Variants in SIN3B observed in about 807,000 individuals in gnomAD.
SIN3B encodes the protein SIN3 transcription regulator family member B, also known as paired amphipathic helix protein Sin3b.
A neutral mutation model predicts 120.2 loss-of-function variants in SIN3B; 19 were observed. That is an observed-to-expected ratio of 0.16 (90% confidence interval 0.11 to 0.23). The LOEUF is 0.23. SIN3B is among the 10% of genes least tolerant of loss of function. The pLI, the probability that SIN3B is intolerant of heterozygous loss-of-function variation, is 1.00. For missense variants in SIN3B, 1,073 were observed against 1,573.0 expected (o/e 0.68, Z 5.38); for synonymous variants, 654 against 653.2 (o/e 1.00, Z -0.02).
chr19:16,860,790 A>G (rs1971677956), intron 8 of SIN3B, among the ~76,000 whole-genome samples: 1 of 151,588 alleles, frequency 6.6e-6, no homozygotes, highest in South Asian at 2.1e-4. Context: ...TATTTTTAGT[A>G]GAGACGGGGT....
Position 16,854,253 on chromosome 19 carries a change from A to G in SIN3B, c.1050A>G (p.Pro350=). Residue 350 remains proline, a synonymous_variant, in exon 8 of 19, where the codon CCA becomes CCG. Transcript: ENST00000248054. ...SGSELLQLVS[P]FLGKFPELFA... is the part of the protein sequence containing the mutation. Reference sequence around the variant, plus strand: ...CTGAGCTCCTGCAGCTCGTCAGCCCATTTCTGGGGTGAGCAGCTGACTTCC... The same window carrying G: ...CTGAGCTCCTGCAGCTCGTCAGCCCGTTTCTGGGGTGAGCAGCTGACTTCC... The G allele has an allele frequency of 6.2e-7, 1 of 1,609,376 alleles. No individual in the cohort carries two copies. The highest frequency in any genetic ancestry group is 8.5e-7 in the Non-Finnish European group (1 of 1,177,822).
chr19:16,850,161 TTAG>T (rs947013487), intron 5 of SIN3B, among the ~76,000 whole-genome samples: 2 of 151,990 alleles, frequency 1.3e-5, no homozygotes, highest in African/African-American at 4.8e-5. Flanking sequence ...TAAGTCTTTT[TTAG>T]TAGTAGTAGT....
intron 14 of SIN3B, chr19:16,871,767 A>T (rs2051514655): frequency 4.8e-6 from 1 of 207,454 alleles, no homozygotes; most frequent in South Asian, 8.4e-5. Flanking sequence ...ATGGCTCTGT[A>T]ATACTCCATT....
chr19:16,876,516 A>C lies in SIN3B; in HGVS notation c.2797A>C (p.Ile933Leu), dbSNP rs777304827. 7 of 1,613,428 alleles carry C rather than the reference A, an allele frequency of 4.3e-6. No homozygotes were observed. Among genetic ancestry groups the C allele is most frequent in the Non-Finnish European group, 5.9e-6 (7 of 1,179,924 alleles). Residue 933 changes from isoleucine to leucine, a missense_variant, in exon 16 of 19, where the codon ATC becomes CTC. By Grantham distance (5) the Ile-to-Leu change is conservative. Around this residue, in one of 7 missense-constraint regions of SIN3B, gnomAD observed 311 missense variants for 400.3 expected, o/e 0.78. Coordinates refer to ENST00000248054, the MANE Select transcript of SIN3B (RefSeq NM_001297595.2). This position sits in a 1 kb window ranked among gnomAD's most constrained non-coding sequence, Gnocchi z 7.1. ...VMFLQRKGQV[I>L]MTIELLDTEE... ...GTTCCTGCAGCGCAAAGGGCAGGTG[A>C]TCATGACCATCGAGCTCCTGGACAC...
At chr19:16,846,899 C>T (rs1971486168) in intron 4 of SIN3B, 71 bp from the exon 5 acceptor site, 1 of 1,522,714 alleles carries the variant, frequency 6.6e-7, no homozygotes, top group Non-Finnish European at 9.0e-7. Flanking sequence ...GGAGGGCTGC[C>T]TGAGTGTCCC....
At chr19:16,847,468 C>T (rs1283563304) in intron 5 of SIN3B, among the ~76,000 whole-genome samples, 1 of 152,228 alleles carries the variant, frequency 6.6e-6, no homozygotes, top group Non-Finnish European at 1.5e-5. Context: ...TGGGAAGGTG[C>T]AGGAGGGCTG....
At chr19:16,838,269 T>C (rs1302108751) in intron 3 of SIN3B, among the ~76,000 whole-genome samples, 3 of 152,208 alleles carry the variant, frequency 2.0e-5, no homozygotes, top group Non-Finnish European at 4.4e-5. Context: ...ATATTCACAA[T>C]ACTGTACAAC....
At chr19:16,874,948 A>ATCTGG (rs1373978348) in intron 14 of SIN3B, among the ~76,000 whole-genome samples, 8 of 124,364 alleles carry the variant, frequency 6.4e-5, no homozygotes, top group African/African-American at 2.6e-4. Flanking sequence ...GTCTGATCTG[A>ATCTGG]TCTGGTCTGG....
intron 3 of SIN3B, among the ~76,000 whole-genome samples, chr19:16,836,496 G>C (rs888535608): frequency 6.6e-6 from 1 of 152,116 alleles, no homozygotes; most frequent in Admixed American, 6.5e-5. Context: ...ACACCACCCT[G>C]GGTTATGTAT....
chr19:16,837,391 G>A (rs1278437386), intron 3 of SIN3B, among the ~76,000 whole-genome samples: 2 of 151,836 alleles, frequency 1.3e-5, no homozygotes, highest in Non-Finnish European at 2.9e-5. Context: ...GGACCAGAGA[G>A]GGTCCCAAGT....
At position 16,875,389 on chromosome 19, in the gene SIN3B, TGTTTGGTCTGGTCTG is replaced by T. The variant is rs1250897420; in HGVS notation, c.2593-648_2593-634del. ...TGGTCTGGTTTGGTCTGGTCTGGTC[TGTTTGGTCTGGTCTG>T]GTTTGGTCTGGTCTGGTCTGTTTGG... On this transcript the variant is annotated intron_variant, in intron 14 of 18. Transcript: ENST00000248054. Among the ~76,000 whole-genome samples, 45 of 136,942 alleles carry T rather than the reference TGTTTGGTCTGGTCTG, an allele frequency of 3.3e-4. 1 individual carries two copies. The highest frequency in any genetic ancestry group is 8.3e-4 in the African/African-American group (29 of 34,762). 89.8% of individuals were successfully genotyped at this position (136,942 alleles called of 152,430 possible). A position where few individuals can be genotyped will look rare whatever the true frequency, so the allele number is the denominator to read the frequency against.
At chr19:16,863,015 G>C in intron 9 of SIN3B, 1 of 1,478,264 alleles carries the variant, frequency 6.8e-7, no homozygotes, top group Non-Finnish European at 9.5e-7. Context: ...CTGGCCCGCT[G>C]CCCGTGTTTG....
rs1325159640 is a variant in SIN3B, at chr19:16,879,545, T to G, written c.*818T>G. The stretch of plus-strand genomic sequence containing the variant: ...GCGTATGTGTATACACGCACAGATA[T>G]TTATTCCTTTCGCTTTTAGTGGTTG... On this transcript the variant is annotated 3_prime_UTR_variant, in exon 19 of 19. Coordinates refer to ENST00000248054, the MANE Select transcript of SIN3B (RefSeq NM_001297595.2). 1.3e-5 allele frequency: 2 copies of G among 152,084 alleles called. No individual in the cohort carries two copies. Among genetic ancestry groups the G allele is most frequent in the African/African-American group, 4.8e-5 (2 of 41,288 alleles). The allele number at this position is 152,084 out of a possible 1,614,324, so 9.4% of individuals were successfully genotyped here.
In SIN3B at chr19:16,878,390, G is replaced by A; in HGVS notation, c.3162G>A (p.Gln1054=). 1 of 1,610,736 alleles carries A rather than the reference G, an allele frequency of 6.2e-7. No homozygotes were observed. The highest frequency in any genetic ancestry group is 1.1e-5 in the South Asian group (1 of 90,604). Residue 1054 remains glutamine (Q), a splice_region_variant and synonymous_variant, in exon 18 of 19, where the codon CAG becomes CAA. Transcript: ENST00000248054. ...YRRGTLCRAK[Q]VQPLVLLRHH... ...GCGGGACCCTCTGCCGGGCCAAGCAGGTGCCAGGGGAGGCCTGGGCTGCCC... is the reference window on the plus strand; with the variant it reads ...GCGGGACCCTCTGCCGGGCCAAGCAAGTGCCAGGGGAGGCCTGGGCTGCCC...
Position 16,870,060 on chromosome 19 carries a change from C to A in SIN3B, c.2407C>A (p.Arg803=). ...GGGCAGCGACCCCGCCATGGAGCTG[C>A]GGCTGAAGCAGCCCAGTAAGGCTCC... The part of the protein sequence containing the change: ...EKGSDPAMEL[R]LKQPSEVELE... Residue 803 remains arginine, a synonymous_variant, in exon 13 of 19, where the codon CGG becomes AGG. Transcript: ENST00000248054. The A allele has an allele frequency of 6.2e-7, 1 of 1,601,640 alleles. No homozygotes were observed. The highest frequency in any genetic ancestry group is 8.5e-7 in the Non-Finnish European group (1 of 1,173,762).
rs367560628 is a variant in SIN3B at position 16,863,644 on chromosome 19, A to G, written c.1267-36A>G. Reference sequence around the variant, plus strand: ...AACAGTAAATCTTGGCTCCTGGGGCATGCAGCGTCATTCACGGCATTTCCT... The same window carrying G: ...AACAGTAAATCTTGGCTCCTGGGGCGTGCAGCGTCATTCACGGCATTTCCT... On this transcript the variant is annotated intron_variant, in intron 9 of 18. Transcript: ENST00000248054. The G allele has an allele frequency of 3.4e-5, 47 of 1,365,630 alleles. No homozygotes were observed. The African/African-American group carries it at 5.7e-4, about 17-fold the overall frequency. The allele number at this position is 1,365,630 out of a possible 1,614,324, so 84.6% of individuals were successfully genotyped here.
In SIN3B at chr19:16,869,853, A is replaced by G. The variant is rs547023509; in HGVS notation, c.2200A>G (p.Lys734Glu). ...QPPLPPPAPH[K>E]PLDDVYSLFF... is the part of the protein sequence containing the mutation. The stretch of plus-strand genomic sequence containing the variant: ...ACCCCTGCCGCCCCCAGCCCCGCAC[A>G]AGCCCCTGGACGATGTCTACAGCCT... Residue 734 changes from lysine to glutamate, a missense_variant, in exon 13 of 19, where the codon AAG becomes GAG. Physicochemically the swap from Lys to Glu is moderately conservative, Grantham distance 56. This residue lies in a region of SIN3B where 169 missense variants were observed against 207.3 expected (regional missense o/e 0.82). Coordinates refer to ENST00000248054, the MANE Select transcript of SIN3B (RefSeq NM_001297595.2). The G allele has an allele frequency of 3.1e-6, 5 of 1,614,140 alleles. No homozygotes were observed. In the South Asian group the frequency reaches 3.3e-5, roughly 11 times the overall value.
At position 16,869,390 on chromosome 19, in the gene SIN3B, G is replaced by A. The variant is rs1454167657; in HGVS notation, c.1807-70G>A. ...TTGGTGGCCCAGTTAACAGCGAGTC[G>A]TGAATGGGCACTGGGGGTCCTCTGG... is the stretch of plus-strand genomic sequence containing the variant. On this transcript the variant is annotated intron_variant, in intron 12 of 18. Transcript: ENST00000248054. The A allele has an allele frequency of 1.5e-5, 22 of 1,496,120 alleles. No homozygotes were observed. The East Asian group carries it at 3.2e-4, about 22-fold the overall frequency. The allele number at this position is 1,496,120 out of a possible 1,614,324, so 92.7% of individuals were successfully genotyped here.
chr19:16,878,873 C>T lies in SIN3B; in HGVS notation c.*146C>T, dbSNP rs1381284458. 29 of 754,116 alleles carry T rather than the reference C, an allele frequency of 3.8e-5. No homozygotes were observed. Among genetic ancestry groups the T allele is most frequent in the African/African-American group, 1.9e-4 (11 of 56,476 alleles). The allele number at this position is 754,116 out of a possible 1,614,324, so 46.7% of individuals were successfully genotyped here. On this transcript the variant is annotated 3_prime_UTR_variant, in exon 19 of 19. Coordinates refer to ENST00000248054, the MANE Select transcript of SIN3B (RefSeq NM_001297595.2). ...GACAGCGCACTCCAGGGCAGGACGC[C>T]GCCCCCGTGGCTCCCGGTCTCCTGT... is the stretch of plus-strand genomic sequence containing the variant.
Sources: gnomAD v4.1 joint callset for allele counts (sites outside exome capture counted in the v4.1 genomes callset) on GRCh38, gnomAD v4.1.1 for gene constraint, gnomAD v4.1.1 regional missense constraint, Gnocchi (gnomAD v3.1) non-coding constraint, MANE v1.5 for transcripts, NCBI Gene and HGNC (gene_info 2026-07-23, HGNC 2026-07-21) for gene names.